Variants in LAMA3 observed in about 807,000 individuals in gnomAD.
LAMA3 encodes the protein laminin subunit alpha-3.
LAMA3 carries 281 observed loss-of-function variants against 402.0 expected under a neutral mutation model. The observed-to-expected ratio is 0.70, with a 90% CI of 0.63 to 0.77. The LOEUF (loss-of-function observed/expected upper bound fraction) is 0.77, where lower values mean the gene tolerates loss of function less well. LAMA3 is among the 30% of genes least tolerant of loss of function. The pLI is 0.00. For missense variants in LAMA3, 3,840 were observed against 4,215.5 expected, an observed-to-expected ratio of 0.91 and a Z score of 2.47; for synonymous variants, 1,431 against 1,558.4, an observed-to-expected ratio of 0.92 and a Z score of 1.93.
intron 57 of LAMA3, 57 bp from the exon 58 acceptor site, chr18:23,914,641 G>A: frequency 6.3e-7 from 1 of 1,599,666 alleles, no homozygotes; most frequent in Non-Finnish European, 8.5e-7. Flanking sequence ...TAGTGGCTTG[G>A]CTTTGAATTC....
intron 2 of LAMA3, among the ~76,000 whole-genome samples, chr18:23,741,269 C>T (rs1458333741): frequency 1.3e-5 from 2 of 151,934 alleles, no homozygotes; most frequent in Non-Finnish European, 1.5e-5. Flanking sequence ...TTTTTCAGCA[C>T]AGGGTGATGA....
intron 32 of LAMA3, among the ~76,000 whole-genome samples, chr18:23,849,521 C>T (rs564843465): frequency 1.3e-5 from 2 of 152,348 alleles, no homozygotes; most frequent in South Asian, 4.1e-4. Flanking sequence ...TGGAACTTCA[C>T]ACACAATTTC....
chr18:23,770,000 A>G (rs992236657), intron 8 of LAMA3, among the ~76,000 whole-genome samples: 3 of 152,252 alleles, frequency 2.0e-5, no homozygotes, highest in Admixed American at 6.5e-5. Flanking sequence ...GCATTAACAC[A>G]AATAAAGACA....
At chr18:23,690,226 C>A (rs144556201) in intron 1 of LAMA3, among the ~76,000 whole-genome samples, 88 of 152,286 alleles carry the variant, frequency 5.8e-4, no homozygotes, top group African/African-American at 2.1e-3. Flanking sequence ...TGGTCAGGTT[C>A]GGGCTGGTGG....
chr18:23,937,722 C>G (rs2082356169), intron 67 of LAMA3, among the ~76,000 whole-genome samples: 1 of 152,164 alleles, frequency 6.6e-6, no homozygotes, highest in Admixed American at 6.5e-5. Context: ...GGAGCCCAGG[C>G]TGGGTTTTAA....
At chr18:23,760,358 G>A (rs540602668) in intron 7 of LAMA3, among the ~76,000 whole-genome samples, 2 of 151,848 alleles carry the variant, frequency 1.3e-5, no homozygotes, top group East Asian at 1.9e-4. Flanking sequence ...TAAAATCATG[G>A]CACCACAGAG....
chr18:23,743,865 T>C (rs995654450), intron 2 of LAMA3, among the ~76,000 whole-genome samples: 2 of 152,176 alleles, frequency 1.3e-5, no homozygotes, highest in African/African-American at 4.8e-5. Context: ...TGCACAACTT[T>C]GCCTTTCTAC....
At chr18:23,942,820 C>A (rs753850441) in intron 68 of LAMA3, among the ~76,000 whole-genome samples, 23 of 152,120 alleles carry the variant, frequency 1.5e-4, no homozygotes, top group Non-Finnish European at 2.6e-4. Context: ...TCAGGTGATC[C>A]ACCCACCTCG....
At chr18:23,884,210 A>G (rs563415832) in intron 40 of LAMA3, among the ~76,000 whole-genome samples, 8 of 152,162 alleles carry the variant, frequency 5.3e-5, no homozygotes, top group African/African-American at 1.9e-4. Flanking sequence ...AAAATTCCAC[A>G]ACTTGGTTTG....
chr18:23,858,884 A>G (rs1460799289), intron 34 of LAMA3, 55 bp downstream of exon 34: 3 of 1,541,950 alleles, frequency 1.9e-6, no homozygotes, highest in East Asian at 2.2e-5. Context: ...TTGTTAAATG[A>G]TAAGCATATC....
At chr18:23,777,739 G>A in intron 11 of LAMA3, 120 bp downstream of exon 11, 1 of 802,456 alleles carries the variant, frequency 1.2e-6, no homozygotes, top group Non-Finnish European at 2.2e-6. Flanking sequence ...CATGGTAGGT[G>A]CCTTGCAGGT....
intron 1 of LAMA3, among the ~76,000 whole-genome samples, chr18:23,699,437 G>A (rs1385278868): frequency 1.3e-5 from 2 of 152,206 alleles, no homozygotes; most frequent in East Asian, 1.9e-4. Flanking sequence ...GTTTCATAAA[G>A]GGGTTAAAAT....
At chr18:23,698,734 C>T (rs577452987) in intron 1 of LAMA3, among the ~76,000 whole-genome samples, 1 of 152,190 alleles carries the variant, frequency 6.6e-6, no homozygotes, top group Non-Finnish European at 1.5e-5. Flanking sequence ...TGTCCATTCA[C>T]TTCTATATTT....
At chr18:23,892,897 C>G (rs890554845) in intron 42 of LAMA3, among the ~76,000 whole-genome samples, 8 of 114,228 alleles carry the variant, frequency 7.0e-5, no homozygotes, top group African/African-American at 2.4e-4. Flanking sequence ...GAGCGAAACT[C>G]TGTCTCAAAA....
chr18:23,877,680 T>C (rs73400327), intron 39 of LAMA3, among the ~76,000 whole-genome samples: 163 of 152,362 alleles, frequency 1.1e-3, no homozygotes, highest in African/African-American at 3.9e-3. Context: ...GAATATTTTG[T>C]TGGATTGTAA....
chr18:23,772,056 T>TG (rs1404004977), intron 8 of LAMA3, among the ~76,000 whole-genome samples: 1 of 151,846 alleles, frequency 6.6e-6, no homozygotes, highest in Admixed American at 6.6e-5. Context: ...TTTTTTTTTT[T>TG]TTTGAGACGG....
chr18:23,751,063 A>G lies in LAMA3; in HGVS notation c.830A>G (p.Gln277Arg). The G allele has an allele frequency of 6.2e-7, 1 of 1,614,164 alleles. No individual in the cohort carries two copies. Among genetic ancestry groups the G allele is most frequent in the Non-Finnish European group, 8.5e-7 (1 of 1,180,012 alleles). ...CTTGGACACCTCATCTCCAAAGCCC[A>G]GCGAGATCCAACTGTCACTCGGCGG... ...TLLGHLISKAQRDPTVTRRYY... is the reference protein window; with the variant it reads ...TLLGHLISKARRDPTVTRRYY... Residue 277 changes from glutamine to arginine, a missense_variant, in exon 5 of 75, where the codon CAG becomes CGG. Coordinates refer to ENST00000313654, the MANE Select transcript of LAMA3 (RefSeq NM_198129.4).
intron 32 of LAMA3, among the ~76,000 whole-genome samples, chr18:23,852,263 C>T (rs1389060477): frequency 6.6e-6 from 1 of 152,184 alleles, no homozygotes; most frequent in Non-Finnish European, 1.5e-5. Flanking sequence ...TACTGGGATT[C>T]AAATATCTGT....
At chr18:23,926,209 AAGCTTATT>A (rs2081998545) in intron 62 of LAMA3, among the ~76,000 whole-genome samples, 1 of 152,188 alleles carries the variant, frequency 6.6e-6, no homozygotes, top group African/African-American at 2.4e-5. Flanking sequence ...CCTCCCTCAA[AAGCTTATT>A]GTAAGTTGGA....
Sources: gnomAD v4.1 joint callset for allele counts (sites outside exome capture counted in the v4.1 genomes callset) on GRCh38, gnomAD v4.1.1 for gene constraint, MANE v1.5 for transcripts, NCBI Gene and HGNC (gene_info 2026-07-23, HGNC 2026-07-21) for gene names.